Variants in MYLK3 observed in about 807,000 individuals in gnomAD.
The protein encoded by MYLK3 is MLC kinase.
In MYLK3, 55 loss-of-function variants were observed where a neutral mutation model predicts 76.3. The observed-to-expected ratio is 0.72, with a 90% CI of 0.58 to 0.90. MYLK3 has a LOEUF of 0.90. Ranked by LOEUF, MYLK3 falls within the 40% of genes least tolerant of loss-of-function variation. MYLK3 has a pLI of 0.00. For synonymous variants in MYLK3, 416 were observed against 425.4 expected (o/e 0.98, Z 0.27); for missense variants, 973 against 1,053.6 (o/e 0.92, Z 1.06).
chr16:46,717,926 A>T (rs1363860869), intron 9 of MYLK3, among the ~76,000 whole-genome samples: 3 of 152,166 alleles, frequency 2.0e-5, no homozygotes, highest in Non-Finnish European at 4.4e-5. Context: ...GTCCCTGCAA[A>T]TGCTCATTTG....
In MYLK3 at chr16:46,748,142, C is replaced by T. The variant is rs757984889; in HGVS notation, c.52G>A (p.Gly18Ser). Residue 18 changes from glycine to serine, a missense_variant, in exon 1 of 13, where the codon GGC becomes AGC. Coordinates refer to ENST00000394809, the MANE Select transcript of MYLK3 (RefSeq NM_182493.3). This position sits in a 1 kb window ranked among gnomAD's most constrained non-coding sequence, Gnocchi z 4.3. ...SLGHGGLPGL[G>S]KTCLTTMDTK... is the part of the protein sequence containing the mutation. ...TCCATGGTTGTTAAGCAGGTCTTGC[C>T]CAACCCTGGCAGCCCCCCATGCCCC... The T allele has an allele frequency of 6.2e-7, 1 of 1,614,104 alleles. No individual in the cohort carries two copies. The highest frequency in any genetic ancestry group is 8.5e-7 in the Non-Finnish European group (1 of 1,180,042).
intron 9 of MYLK3, 31 bp downstream of exon 9, chr16:46,721,092 T>G (rs371445615): frequency 6.3e-7 from 1 of 1,597,796 alleles, no homozygotes; most frequent in African/African-American, 1.3e-5. Context: ...CCAAGGAATT[T>G]TGTTAAGGTA....
In MYLK3 at chr16:46,758,292, ACACACACACACACTCTCTCTCT is replaced by A. The variant is rs986475660; in HGVS notation, c.-114+4726_-114+4747del. Among the ~76,000 whole-genome samples the A allele has an allele frequency of 1.0e-4, 6 of 57,774 alleles. No individual in the cohort carries two copies. The East Asian group carries it at 5.7e-3, about 55-fold the overall frequency. The allele number at this position is 57,774 out of a possible 152,430, so 37.9% of individuals were successfully genotyped here. ...CACACACACACACACACACACACAC[ACACACACACACACTCTCTCTCT>A]CTCTCTCTCTCTCTCTCTCTCTCTC... On this transcript the variant is annotated intron_variant, in intron 1 of 11. Transcript: ENST00000536476.
Position 46,703,165 on chromosome 16 carries a change from A to G in MYLK3, c.*4539T>C, listed in dbSNP as rs951983959. On this transcript the variant is annotated 3_prime_UTR_variant, in exon 13 of 13. Transcript: ENST00000394809. Reference sequence around the variant, plus strand: ...AATTTAAGAAAAAATGGCTTTCAGTATATCTAGATCTATCTATAACAGCTG... The same window carrying G: ...AATTTAAGAAAAAATGGCTTTCAGTGTATCTAGATCTATCTATAACAGCTG... Among the ~76,000 whole-genome samples, 1 of 152,162 alleles carries G rather than the reference A, an allele frequency of 6.6e-6. No individual in the cohort carries two copies. The highest frequency in any genetic ancestry group is 1.5e-5 in the Non-Finnish European group (1 of 68,026).
intron 1 of MYLK3, among the ~76,000 whole-genome samples, chr16:46,746,163 A>C (rs1967017135): frequency 6.6e-6 from 1 of 152,070 alleles, no homozygotes; most frequent in African/African-American, 2.4e-5. Flanking sequence ...TGTAACCTAC[A>C]CACACCCTCC....
chr16:46,726,466 G>A (rs1473560409), intron 8 of MYLK3: 1 of 151,684 alleles, frequency 6.6e-6, no homozygotes, highest in African/African-American at 2.4e-5. Context: ...TAGCTACTTG[G>A]GAGACTGAGG....
At chr16:46,742,900 A>G (rs1487613937) in intron 1 of MYLK3, among the ~76,000 whole-genome samples, 2 of 152,210 alleles carry the variant, frequency 1.3e-5, no homozygotes, top group African/African-American at 2.4e-5. Context: ...AACTGGAGGC[A>G]TGAAACAGAC....
At chr16:46,712,571 ATTTTGC>A in intron 10 of MYLK3, 71 bp downstream of exon 10, 1 of 1,339,980 alleles carries the variant, frequency 7.5e-7, no homozygotes, top group South Asian at 2.2e-5. Flanking sequence ...TGTGCTCAAA[ATTTTGC>A]TTCTAAGATT....
chr16:46,740,094 G>C lies in MYLK3; in HGVS notation c.531C>G (p.Thr177=), dbSNP rs762796303. The change falls in exon 2 of 13, where the codon ACC becomes ACG. Residue 177 remains threonine (T), a synonymous_variant. Coordinates refer to ENST00000394809, the MANE Select transcript of MYLK3 (RefSeq NM_182493.3). ...EGGKPKHVLS[T]SGVQSDAREP... ...CCCTGGCATCAGACTGCACCCCACT[G>C]GTGCTCAGCACATGCTTTGGTTTTC... The C allele has an allele frequency of 9.3e-6, 15 of 1,613,118 alleles. No homozygotes were observed. The highest frequency in any genetic ancestry group is 1.7e-5 in the Admixed American group (1 of 59,934).
chr16:46,756,420 T>A (rs1443713729), intron 1 of MYLK3, among the ~76,000 whole-genome samples: 1 of 152,152 alleles, frequency 6.6e-6, no homozygotes, highest in Admixed American at 6.5e-5. Context: ...AAACAGAGAA[T>A]GAAGAAATAT....
At chr16:46,735,634 T>A (rs1356311967) in intron 3 of MYLK3, among the ~76,000 whole-genome samples, 9 of 152,068 alleles carry the variant, frequency 5.9e-5, no homozygotes, top group Admixed American at 5.9e-4. Flanking sequence ...ACTCACTGGG[T>A]GGGAGGTAGA....
chr16:46,747,945 G>T lies in MYLK3; in HGVS notation c.249C>A (p.His83Gln). Residue 83 changes from histidine to glutamine, a missense_variant, in exon 1 of 13, where the codon CAC becomes CAA. Physicochemically the swap from His to Gln is conservative, Grantham distance 24 (BLOSUM62 0). Coordinates refer to ENST00000394809, the MANE Select transcript of MYLK3 (RefSeq NM_182493.3). ...CGGGCCACCCAGCCTGGGTGTCAAT[G>T]TGGGGAACCCCATCAGCCCCGCCCG... ...PGPGGADGVP[H>Q]IDTQAGWPEV... 6.2e-7 allele frequency: 1 copy of T among 1,613,460 alleles called. No homozygotes were observed.
chr16:46,702,648 G>A lies in MYLK3; in HGVS notation c.*5056C>T, dbSNP rs1023877462. ...TAAATGTAATACATGCGGGCCAGGC[G>A]CAGTGGCTCACACCTGTAATCCCAG... On this transcript the variant is annotated 3_prime_UTR_variant, in exon 13 of 13. Coordinates refer to ENST00000394809, the MANE Select transcript of MYLK3 (RefSeq NM_182493.3). Among the ~76,000 whole-genome samples the A allele has an allele frequency of 2.0e-5, 3 of 152,284 alleles. No homozygotes were observed. The highest frequency in any genetic ancestry group is 2.1e-4 in the South Asian group (1 of 4,828).
intron 1 of MYLK3, among the ~76,000 whole-genome samples, chr16:46,745,840 C>T (rs1967012280): frequency 6.6e-6 from 1 of 152,062 alleles, no homozygotes; most frequent in African/African-American, 2.4e-5. Context: ...CAAAAGGGTG[C>T]TCCAGATAGA....
At position 46,709,688 on chromosome 16, in the gene MYLK3, C is replaced by T. The variant is rs1050368437; in HGVS notation, c.2268-17G>A. 6.2e-7 allele frequency: 1 copy of T among 1,604,886 alleles called. No homozygotes were observed. The highest frequency in any genetic ancestry group is 8.5e-7 in the Non-Finnish European group (1 of 1,177,568). On this transcript the variant is annotated splice_polypyrimidine_tract_variant and intron_variant, in intron 11 of 12. Coordinates refer to ENST00000394809, the MANE Select transcript of MYLK3 (RefSeq NM_182493.3). ...ATTCTGCAGCTGTGAAATCAAAGAG[C>T]AGTTAAGACTTTTAGTTGGAGTTGC...
chr16:46,708,107 G>A (rs1966645786), intron 12 of MYLK3, among the ~76,000 whole-genome samples: 1 of 151,892 alleles, frequency 6.6e-6, no homozygotes, highest in African/African-American at 2.4e-5. Context: ...CTGGGCTCAA[G>A]CAATCCTCCC....
At chr16:46,729,573 T>C in intron 6 of MYLK3, 21 bp downstream of exon 6, 1 of 1,608,858 alleles carries the variant, frequency 6.2e-7, no homozygotes, top group Non-Finnish European at 8.5e-7. Flanking sequence ...CACAGGGACC[T>C]GGCCCAGCCA....
At position 46,703,232 on chromosome 16, in the gene MYLK3, T is replaced by C. The variant is rs1021808692; in HGVS notation, c.*4472A>G. 1.3e-5 allele frequency: 2 copies of C among 152,238 alleles called. No individual in the cohort carries two copies. Among genetic ancestry groups the C allele is most frequent in the African/African-American group, 4.8e-5 (2 of 41,460 alleles). 9.4% of individuals were successfully genotyped at this position (152,238 alleles called of 1,614,324 possible). A position where few individuals can be genotyped will look rare whatever the true frequency, so the allele number is the denominator to read the frequency against. On this transcript the variant is annotated 3_prime_UTR_variant, in exon 13 of 13. Coordinates refer to ENST00000394809, the MANE Select transcript of MYLK3 (RefSeq NM_182493.3). ...ATGGATGTGGCAAAATTCATTTAAC[T>C]AAAACCAAACTAATAGGCATGTGTT...
At chr16:46,754,626 C>T (rs1967174191) in intron 1 of MYLK3, among the ~76,000 whole-genome samples, 1 of 152,196 alleles carries the variant, frequency 6.6e-6, no homozygotes, top group African/African-American at 2.4e-5. Flanking sequence ...CAACCTTGGA[C>T]TTCTCAGCCT....
Sources: allele counts gnomAD v4.1 joint callset (sites outside exome capture counted in the v4.1 genomes callset), GRCh38; gene constraint gnomAD v4.1.1; non-coding constraint Gnocchi (gnomAD v3.1); transcripts MANE v1.5; gene names NCBI Gene and HGNC (gene_info 2026-07-23, HGNC 2026-07-21).